Variants in ATRN observed in about 807,000 individuals in gnomAD.
ATRN encodes the protein attractin-2.
ATRN carries 54 observed loss-of-function variants against 178.7 expected under a neutral mutation model. The ratio of observed to expected loss-of-function variants is 0.30; its 90% CI spans 0.24 to 0.38. ATRN has a LOEUF of 0.38. ATRN is among the 10% of genes least tolerant of loss of function. The pLI, the probability that ATRN is intolerant of heterozygous loss-of-function variation, is 1.00. For missense variants in ATRN, 1,443 were observed against 1,815.1 expected (o/e 0.79, Z 3.73); for synonymous variants, 636 against 663.0 (o/e 0.96, Z 0.63).
intron 2 of ATRN, among the ~76,000 whole-genome samples, chr20:3,539,522 T>C (rs952426519): frequency 6.6e-6 from 1 of 152,134 alleles, no homozygotes; most frequent in African/African-American, 2.4e-5. Context: ...TTAGGGTTTT[T>C]TTATCTGGTT....
chr20:3,476,280 A>G (rs2084528929), intron 1 of ATRN, among the ~76,000 whole-genome samples: 1 of 152,226 alleles, frequency 6.6e-6, no homozygotes, highest in Non-Finnish European at 1.5e-5. Flanking sequence ...TAACTTGTCC[A>G]AGGTCACAGA....
chr20:3,523,672 A>G (rs1249352831), intron 1 of ATRN, among the ~76,000 whole-genome samples: 1 of 152,152 alleles, frequency 6.6e-6, no homozygotes, highest in East Asian at 1.9e-4. Flanking sequence ...AGAGAGAAAG[A>G]CTGAGTTACC....
intron 1 of ATRN, chr20:3,490,692 T>C: frequency 2.5e-6 from 2 of 806,304 alleles, no homozygotes; most frequent in South Asian, 2.7e-5. Context: ...CTCCTCAAAT[T>C]TCACTGACAT....
intron 6 of ATRN, among the ~76,000 whole-genome samples, chr20:3,557,946 T>G (rs1357713903): frequency 6.6e-6 from 1 of 152,188 alleles, no homozygotes; most frequent in Non-Finnish European, 1.5e-5. Flanking sequence ...ATTTGTTGTA[T>G]TTGCTTCAGA....
rs2084784796 is a variant in ATRN at position 3,490,973 on chromosome 20, A to T, written c.410+19456A>T. The T allele has an allele frequency of 1.9e-6, 3 of 1,538,874 alleles. No homozygotes were observed. The South Asian group carries it at 3.3e-5, about 17-fold the overall frequency. On this transcript the variant is annotated intron_variant, in intron 1 of 28. Transcript: ENST00000262919. ...CCATGAGCCTTTCCTTCTCCTCATGATAGCGCCGCTGCTGCTCCAGTATTG... is the reference window on the plus strand; with the variant it reads ...CCATGAGCCTTTCCTTCTCCTCATGTTAGCGCCGCTGCTGCTCCAGTATTG...
rs192055503 is a variant in ATRN at position 3,474,957 on chromosome 20, G to A, written c.410+3440G>A. Among the ~76,000 whole-genome samples the A allele has an allele frequency of 3.6e-4, 54 of 151,242 alleles. No individual in the cohort carries two copies. In the East Asian group the frequency reaches 9.7e-3, roughly 27 times the overall value. On this transcript the variant is annotated intron_variant, in intron 1 of 28. Transcript: ENST00000262919. ...TGAGGCAGGAGAATTGCTTGAACCC[G>A]GGAAGCGGAGGTTGCAGAGAGCCGA...
intron 1 of ATRN, among the ~76,000 whole-genome samples, chr20:3,496,133 T>G (rs1429590021): frequency 6.6e-6 from 1 of 152,020 alleles, no homozygotes; most frequent in African/African-American, 2.4e-5. Context: ...TTGAAGGGTT[T>G]TTTGTGTCTC....
At chr20:3,479,091 A>G (rs914590079) in intron 1 of ATRN, among the ~76,000 whole-genome samples, 9 of 151,864 alleles carry the variant, frequency 5.9e-5, no homozygotes, top group Non-Finnish European at 8.8e-5. Context: ...AGGTCTCACT[A>G]TGTTGCCCAG....
Position 3,488,051 on chromosome 20 carries a change from C to T in ATRN, c.410+16534C>T, listed in dbSNP as rs145463614. Among the ~76,000 whole-genome samples, 21 of 152,152 alleles carry T rather than the reference C, an allele frequency of 1.4e-4. No individual in the cohort carries two copies. In the East Asian group the frequency reaches 4.1e-3, roughly 29 times the overall value. On this transcript the variant is annotated intron_variant, in intron 1 of 28. Transcript: ENST00000262919. ...TATGCTCTTGGATCATGGGGATTGA[C>T]AGCCTCTCACAGGACACTATGGAGT...
At chr20:3,558,967 TAAAGA>T (rs1427556976) in intron 6 of ATRN, among the ~76,000 whole-genome samples, 3 of 152,216 alleles carry the variant, frequency 2.0e-5, no homozygotes, top group Admixed American at 2.0e-4. Flanking sequence ...GTCAATTATA[TAAAGA>T]AAAGGAAAGA....
intron 1 of ATRN, among the ~76,000 whole-genome samples, chr20:3,483,781 G>A (rs1374491665): frequency 2.0e-5 from 3 of 151,724 alleles, no homozygotes; most frequent in Non-Finnish European, 4.4e-5. Context: ...TTGACATGCA[G>A]TTGACACATA....
At chr20:3,585,559 A>G (rs2146263188) in intron 18 of ATRN, among the ~76,000 whole-genome samples, 1 of 152,312 alleles carries the variant, frequency 6.6e-6, no homozygotes, top group Admixed American at 6.5e-5. Context: ...GATATGGGGG[A>G]CCTGCAATTC....
chr20:3,650,253 ATGG>A lies in ATRN; in HGVS notation c.*3412_*3414del, dbSNP rs889380411. 9.2e-5 allele frequency: 14 copies of A among 152,642 alleles called. No individual in the cohort carries two copies. The highest frequency in any genetic ancestry group is 3.4e-4 in the African/African-American group (14 of 41,536). The allele number at this position is 152,642 out of a possible 1,614,324, so 9.5% of individuals were successfully genotyped here. A position where few individuals can be genotyped will look rare whatever the true frequency, so the allele number is the denominator to read the frequency against. On this transcript the variant is annotated 3_prime_UTR_variant, in exon 29 of 29. Coordinates refer to ENST00000262919, the MANE Select transcript of ATRN (RefSeq NM_139321.3). ...AGGGGCTGATTCACTTCCTTGGGAG[ATGG>A]TGGTGTTTTCATGAACATCTTTGAT...
chr20:3,527,514 G>A (rs1024801806), intron 1 of ATRN, among the ~76,000 whole-genome samples: 8 of 152,062 alleles, frequency 5.3e-5, no homozygotes, highest in Non-Finnish European at 8.8e-5. Flanking sequence ...AAGACAGTGG[G>A]GTGACTCAAG....
chr20:3,545,742 G>T lies in ATRN; in HGVS notation c.609-20G>T, dbSNP rs1463585781. The T allele has an allele frequency of 1.2e-6, 2 of 1,613,038 alleles. No individual in the cohort carries two copies. The highest frequency in any genetic ancestry group is 2.2e-5 in the South Asian group (2 of 90,842). On this transcript the variant is annotated intron_variant, in intron 3 of 28. Transcript: ENST00000262919. Reference sequence around the variant, plus strand: ...TCTGTGCTTGTGCTTCCCTCTATAAGAAGTGTGTTTTCATTTCAGTGGCCT... The same window carrying T: ...TCTGTGCTTGTGCTTCCCTCTATAATAAGTGTGTTTTCATTTCAGTGGCCT...
chr20:3,628,263 A>AT (rs1376949509), intron 25 of ATRN, among the ~76,000 whole-genome samples: 1 of 81,304 alleles, frequency 1.2e-5, no homozygotes, highest in Non-Finnish European at 2.3e-5. Context: ...TTTTAAAAAA[A>AT]TTTCTTAGAA....
intron 1 of ATRN, among the ~76,000 whole-genome samples, chr20:3,494,876 A>C (rs1174241165): frequency 6.6e-6 from 1 of 152,170 alleles, no homozygotes; most frequent in Admixed American, 6.5e-5. Flanking sequence ...GGATTTGAGC[A>C]AAGGACTTGT....
intron 23 of ATRN, among the ~76,000 whole-genome samples, chr20:3,603,651 G>A (rs1442362713): frequency 6.6e-6 from 1 of 152,004 alleles, no homozygotes; most frequent in Non-Finnish European, 1.5e-5. Context: ...CACCACGCCT[G>A]GCTAATTTTG....
rs115152844 is a variant in ATRN at position 3,557,384 on chromosome 20, C to T, written c.1113-2009C>T. ...CAACATTTTCAGTACCAGCAGTGTT[C>T]AAGGGAGCAACATCTGCGAAGTTCT... On this transcript the variant is annotated intron_variant, in intron 6 of 28. Transcript: ENST00000262919. Among the ~76,000 whole-genome samples, 304 of 152,196 alleles carry T rather than the reference C, an allele frequency of 2.0e-3. 1 individual carries two copies. Among genetic ancestry groups the T allele is most frequent in the African/African-American group, 7.1e-3 (294 of 41,508 alleles).
Sources: gnomAD v4.1 joint callset for allele counts (sites outside exome capture counted in the v4.1 genomes callset) on GRCh38, gnomAD v4.1.1 for gene constraint, MANE v1.5 for transcripts, NCBI Gene and HGNC (gene_info 2026-07-23, HGNC 2026-07-21) for gene names.